The following GALNT13 variants were observed in gnomAD, a reference collection of about 807,000 sequenced individuals.
GALNT13 encodes UDP-GalNAc:polypeptide N-acetylgalactosaminyltransferase 13.
GALNT13 carries 28 observed loss-of-function variants against 64.2 expected under a neutral mutation model. The observed-to-expected ratio is 0.44, with a 90% CI of 0.32 to 0.60. GALNT13 has a LOEUF of 0.60. Among genes scored for constraint, GALNT13 ranks in the 20% least tolerant of loss-of-function variants. The pLI is 0.05. For missense variants in GALNT13, 577 were observed against 669.8 expected (o/e 0.86, Z 1.53); for synonymous variants, 214 against 224.6 (o/e 0.95, Z 0.42).
chr2:153,916,148 C>CTTCT, intron 2 of GALNT13, among the ~76,000 whole-genome samples: 1 of 146,832 alleles, frequency 6.8e-6, no homozygotes, highest in Admixed American at 6.8e-5. Flanking sequence ...TCCTTCCTTC[C>CTTCT]TTCCTTTTTT....
the GALNT13 span, among the ~76,000 whole-genome samples, chr2:153,560,079 T>A: frequency 1.3e-5 from 2 of 151,942 alleles, no homozygotes; most frequent in Non-Finnish European, 2.9e-5. Flanking sequence ...CCTTTAGACA[T>A]GGTATCCTAG....
chr2:154,425,788 G>C (rs1057498410), intron 11 of GALNT13, among the ~76,000 whole-genome samples: 1 of 152,048 alleles, frequency 6.6e-6, no homozygotes, highest in African/African-American at 2.4e-5. Flanking sequence ...TGTGTAATTT[G>C]GATAAACAAG....
At chr2:153,526,844 T>G in the GALNT13 span, among the ~76,000 whole-genome samples, 1 of 151,464 alleles carries the variant, frequency 6.6e-6, no homozygotes, top group African/African-American at 2.4e-5. Context: ...AAAAAAGAGA[T>G]TGAAATAATT....
At chr2:154,317,459 GAAT>G (rs1008073041) in intron 9 of GALNT13, among the ~76,000 whole-genome samples, 22 of 152,228 alleles carry the variant, frequency 1.4e-4, no homozygotes, top group African/African-American at 5.3e-4. Flanking sequence ...AGTGAGAATT[GAAT>G]AAGAAGCTGG....
At chr2:153,685,163 G>C in the GALNT13 span, among the ~76,000 whole-genome samples, 2 of 151,746 alleles carry the variant, frequency 1.3e-5, no homozygotes, top group African/African-American at 4.8e-5. Context: ...ATTCCTTTGG[G>C]TATATACCCA....
At chr2:153,922,290 A>G (rs1689813373) in intron 2 of GALNT13, among the ~76,000 whole-genome samples, 1 of 152,136 alleles carries the variant, frequency 6.6e-6, no homozygotes, top group African/African-American at 2.4e-5. Context: ...GAACTGGAGT[A>G]CACCTACTGA....
the GALNT13 span, among the ~76,000 whole-genome samples, chr2:153,799,820 G>C: frequency 2.0e-5 from 3 of 152,048 alleles, no homozygotes; most frequent in Admixed American, 2.0e-4. Flanking sequence ...GTACCATAGG[G>C]CCCGGTCATT....
chr2:154,235,938 A>G (rs990045596), intron 4 of GALNT13: 6 of 376,982 alleles, frequency 1.6e-5, no homozygotes, highest in South Asian at 1.3e-4. Flanking sequence ...TAGGAATACT[A>G]TTTCACTGTA....
intron 4 of GALNT13, among the ~76,000 whole-genome samples, chr2:154,144,289 A>G (rs1193567140): frequency 6.6e-6 from 1 of 152,152 alleles, no homozygotes; most frequent in Admixed American, 6.6e-5. Context: ...AAAACTTACC[A>G]TGAGTCACAT....
intron 8 of GALNT13, among the ~76,000 whole-genome samples, chr2:154,281,239 T>C (rs1347182344): frequency 1.3e-5 from 2 of 152,216 alleles, no homozygotes; most frequent in Non-Finnish European, 2.9e-5. Context: ...CATCTTATAT[T>C]ATGTAGGATT....
At position 153,905,508 on chromosome 2, in the gene GALNT13, C is replaced by T. The variant is rs142131641; in HGVS notation, c.-105+4501C>T. Among the ~76,000 whole-genome samples the T allele has an allele frequency of 6.6e-3, 996 of 151,996 alleles. 7 individuals are homozygous for T. The highest frequency in any genetic ancestry group is 0.022 in the African/African-American group (923 of 41,512). ...AATAAAAGTTATGTGAATATAGTCT[C>T]CTTGTCTCTCAAAGTATGTTATTGT... On this transcript the variant is annotated intron_variant, in intron 2 of 12. Coordinates refer to ENST00000392825, the MANE Select transcript of GALNT13 (RefSeq NM_052917.4).
At chr2:153,626,144 C>T in the GALNT13 span, among the ~76,000 whole-genome samples, 1 of 152,150 alleles carries the variant, frequency 6.6e-6, no homozygotes, top group Non-Finnish European at 1.5e-5. Context: ...TTCACATAAA[C>T]CATTGGTTCC....
intron 1 of GALNT13, among the ~76,000 whole-genome samples, chr2:153,878,898 T>C (rs1039961733): frequency 7.2e-5 from 11 of 152,220 alleles, no homozygotes; most frequent in African/African-American, 2.7e-4. Context: ...GAAATGTGGC[T>C]AAATTGACCT....
intron 4 of GALNT13, among the ~76,000 whole-genome samples, chr2:154,160,155 T>C (rs1451532089): frequency 1.3e-5 from 2 of 152,326 alleles, no homozygotes; most frequent in East Asian, 3.9e-4. Flanking sequence ...AGTCTCATTT[T>C]TAGATACTAT....
intron 9 of GALNT13, among the ~76,000 whole-genome samples, chr2:154,326,388 A>C (rs1417914543): frequency 1.3e-5 from 2 of 152,042 alleles, no homozygotes; most frequent in African/African-American, 4.8e-5. Context: ...TAATATTTTA[A>C]TGTATATATG....
chr2:154,198,160 T>G (rs1559019581), intron 4 of GALNT13, among the ~76,000 whole-genome samples: 1 of 152,014 alleles, frequency 6.6e-6, no homozygotes, highest in African/African-American at 2.4e-5. Flanking sequence ...TTACATGTTG[T>G]TTAGGAGTAC....
intron 2 of GALNT13, among the ~76,000 whole-genome samples, chr2:153,937,271 A>G (rs1477044768): frequency 6.6e-6 from 1 of 152,256 alleles, no homozygotes; most frequent in Non-Finnish European, 1.5e-5. Context: ...TAAAATGTGT[A>G]TAGCTATACA....
intron 3 of GALNT13, among the ~76,000 whole-genome samples, chr2:153,968,296 T>G (rs1693508813): frequency 6.6e-6 from 1 of 152,220 alleles, no homozygotes; most frequent in Non-Finnish European, 1.5e-5. Context: ...AGTGGTGTTC[T>G]AAGTACTCCG....
At chr2:153,535,471 G>A in the GALNT13 span, among the ~76,000 whole-genome samples, 1 of 152,310 alleles carries the variant, frequency 6.6e-6, no homozygotes, top group Non-Finnish European at 1.5e-5. Context: ...TGTATGAGTA[G>A]TTGAGAACGG....
Sources: allele counts gnomAD v4.1 joint callset (sites outside exome capture counted in the v4.1 genomes callset), GRCh38; gene constraint gnomAD v4.1.1; transcripts MANE v1.5; gene names NCBI Gene and HGNC (gene_info 2026-07-23, HGNC 2026-07-21).